The following NGEF variants were observed in gnomAD, a reference collection of about 807,000 sequenced individuals.
NGEF encodes neuronal guanine nucleotide exchange factor, also known as ephexin-1.
A neutral mutation model predicts 80.9 loss-of-function variants in NGEF; 31 were observed. The ratio of observed to expected loss-of-function variants is 0.38; its 90% CI spans 0.29 to 0.52. NGEF has a LOEUF of 0.52. Ranked by LOEUF, NGEF falls within the 20% of genes least tolerant of loss-of-function variation. The probability of loss-of-function intolerance (pLI) is 0.84; values close to 1 mark genes in which losing one functional copy is unlikely to be tolerated. For synonymous variants in NGEF, 371 were observed against 370.2 expected (o/e 1.00, Z -0.03); for missense variants, 709 against 926.2 (o/e 0.77, Z 3.04).
chr2:232,990,939 A>G (rs997023987), intron 1 of NGEF, among the ~76,000 whole-genome samples: 27 of 152,142 alleles, frequency 1.8e-4, no homozygotes, highest in African/African-American at 6.0e-4. Context: ...GCAAAAATCA[A>G]TTAGTGTAAT....
chr2:233,001,637 G>A (rs1366293562), intron 1 of NGEF, among the ~76,000 whole-genome samples: 1 of 152,230 alleles, frequency 6.6e-6, no homozygotes, highest in Non-Finnish European at 1.5e-5. Context: ...GCTGGCTTGG[G>A]TGAGTGAGTT....
intron 3 of NGEF, among the ~76,000 whole-genome samples, chr2:232,967,082 G>T (rs1375341487): frequency 6.6e-6 from 1 of 152,118 alleles, no homozygotes; most frequent in Non-Finnish European, 1.5e-5. Context: ...GGAGGTGTTT[G>T]GATCATAGGG....
intron 1 of NGEF, among the ~76,000 whole-genome samples, chr2:232,988,473 G>A (rs1371128230): frequency 6.6e-6 from 1 of 152,234 alleles, no homozygotes; most frequent in Non-Finnish European, 1.5e-5. Context: ...AAAGTTTGAA[G>A]AGTGATTGGT....
rs369789701 is a variant in NGEF, at chr2:232,894,743, C to T, written c.989+13G>A. On this transcript the variant is annotated intron_variant, in intron 6 of 14. Transcript: ENST00000264051. ...AGGGCCCTGAGGGAGGTGGCTGTCCCCCCCGTCCTCACCGCTCACTGACAG... is the reference window on the plus strand; with the variant it reads ...AGGGCCCTGAGGGAGGTGGCTGTCCTCCCCGTCCTCACCGCTCACTGACAG... 1.3e-5 allele frequency: 21 copies of T among 1,557,810 alleles called. No homozygotes were observed. In the Middle Eastern group the frequency reaches 8.6e-4, roughly 64 times the overall value.
intron 8 of NGEF, among the ~76,000 whole-genome samples, chr2:232,889,845 C>T (rs557572181): frequency 1.3e-5 from 2 of 152,262 alleles, no homozygotes; most frequent in East Asian, 3.9e-4. Context: ...GAGTAGCTGC[C>T]CCTAGGTCTT....
At chr2:232,939,208 C>T (rs563307453) in intron 3 of NGEF, among the ~76,000 whole-genome samples, 41 of 147,552 alleles carry the variant, frequency 2.8e-4, no homozygotes, top group South Asian at 8.6e-4. Flanking sequence ...AAGGACTCAA[C>T]CTGTAAAGGA....
At chr2:232,941,038 G>A (rs552363039) in intron 3 of NGEF, among the ~76,000 whole-genome samples, 29 of 152,150 alleles carry the variant, frequency 1.9e-4, no homozygotes, top group Non-Finnish European at 4.1e-4. Flanking sequence ...CAGTCTCCTG[G>A]AGCATTCAGG....
chr2:232,989,864 T>TA, intron 1 of NGEF, among the ~76,000 whole-genome samples: 1 of 152,322 alleles, frequency 6.6e-6, no homozygotes, highest in South Asian at 2.1e-4. Flanking sequence ...TAATACAATA[T>TA]AGCACATTTG....
At chr2:232,945,653 T>C (rs1188060335) in intron 3 of NGEF, among the ~76,000 whole-genome samples, 1 of 150,406 alleles carries the variant, frequency 6.6e-6, no homozygotes, top group Non-Finnish European at 1.5e-5. Flanking sequence ...AGTGTGGTCC[T>C]GACGATGTCT....
At chr2:232,936,110 C>T (rs1693318896) in intron 3 of NGEF, among the ~76,000 whole-genome samples, 1 of 152,172 alleles carries the variant, frequency 6.6e-6, no homozygotes, top group Non-Finnish European at 1.5e-5. Flanking sequence ...AAGGGACCAC[C>T]TCTGTCGCTG....
At chr2:232,897,308 C>G (rs1490282404) in intron 5 of NGEF, among the ~76,000 whole-genome samples, 1 of 151,952 alleles carries the variant, frequency 6.6e-6, no homozygotes, top group Non-Finnish European at 1.5e-5. Context: ...ACAGTGGGCC[C>G]TGGAGTGGTG....
At chr2:232,944,530 C>T (rs890262063) in intron 3 of NGEF, among the ~76,000 whole-genome samples, 1 of 151,652 alleles carries the variant, frequency 6.6e-6, no homozygotes, top group African/African-American at 2.4e-5. Flanking sequence ...AAGTGATTTC[C>T]CAAATTCAGT....
intron 5 of NGEF, among the ~76,000 whole-genome samples, chr2:232,911,209 G>A (rs948461913): frequency 6.6e-6 from 1 of 151,982 alleles, no homozygotes; most frequent in African/African-American, 2.4e-5. Flanking sequence ...TAATGTTTTT[G>A]CATATATATA....
At chr2:232,891,293 GC>G (rs1691876384) in intron 8 of NGEF, 64 bp downstream of exon 8, 2 of 1,594,180 alleles carry the variant, frequency 1.3e-6, no homozygotes, top group Admixed American at 3.4e-5. Context: ...AGCTGACAGG[GC>G]CCGGGAATGA....
chr2:232,906,265 A>G (rs1358605641), intron 5 of NGEF, among the ~76,000 whole-genome samples: 2 of 115,500 alleles, frequency 1.7e-5, no homozygotes, highest in Non-Finnish European at 3.6e-5. Context: ...CCGGGAGGTG[A>G]GGGGCGCCTC....
intron 1 of NGEF, among the ~76,000 whole-genome samples, chr2:232,975,884 C>T (rs117337164): frequency 4.1e-4 from 62 of 152,186 alleles, no homozygotes; most frequent in African/African-American, 1.2e-3. Flanking sequence ...TCTGGCCTAT[C>T]GGTCCAGAGA....
chr2:232,900,535 C>T (rs1403697200), intron 5 of NGEF, among the ~76,000 whole-genome samples: 1 of 127,826 alleles, frequency 7.8e-6, no homozygotes, highest in African/African-American at 3.1e-5. Flanking sequence ...CATGCTCTCA[C>T]AGTCACTCAT....
chr2:232,990,394 TTTTC>T (rs1249920563), intron 1 of NGEF, among the ~76,000 whole-genome samples: 1 of 152,082 alleles, frequency 6.6e-6, no homozygotes, highest in Non-Finnish European at 1.5e-5. Context: ...AAGCATGAGT[TTTTC>T]TTGGATGGGA....
intron 5 of NGEF, among the ~76,000 whole-genome samples, chr2:232,911,075 T>G (rs144769245): frequency 0.012 from 1,894 of 152,328 alleles, 21 homozygotes; most frequent in Non-Finnish European, 0.019. Context: ...TTTGCTAACC[T>G]CAGGTAATGA....
Sources: gnomAD v4.1 joint callset for allele counts (sites outside exome capture counted in the v4.1 genomes callset) on GRCh38, gnomAD v4.1.1 for gene constraint, MANE v1.5 for transcripts, NCBI Gene and HGNC (gene_info 2026-07-23, HGNC 2026-07-21) for gene names.